FOCAD: variants seen among roughly 807,000 people sequenced by gnomAD.
FOCAD encodes the protein KIAA1797.
FOCAD carries 198 observed loss-of-function variants against 225.6 expected under a neutral mutation model. That is an observed-to-expected ratio of 0.88 (90% CI 0.78 to 0.99). FOCAD has a LOEUF of 0.99. Among genes scored for constraint, FOCAD ranks in the 50% least tolerant of loss-of-function variants. FOCAD has a pLI of 0.00. For synonymous variants in FOCAD, 897 were observed against 755.0 expected (o/e 1.19, Z -3.08); for missense variants, 2,713 against 2,123.6 (o/e 1.28, Z -5.46).
intron 11 of FOCAD, among the ~76,000 whole-genome samples, chr9:20,810,111 A>G (rs1822893477): frequency 6.6e-6 from 1 of 152,162 alleles, no homozygotes; most frequent in Non-Finnish European, 1.5e-5. Flanking sequence ...GAAAAGGTTC[A>G]TGAGGCAAAG....
intron 28 of FOCAD, among the ~76,000 whole-genome samples, chr9:20,937,282 G>A (rs1328538373): frequency 1.3e-5 from 2 of 150,148 alleles, no homozygotes; most frequent in Non-Finnish European, 3.0e-5. Flanking sequence ...TCAATCCTAA[G>A]CCAAAAGAAC....
chr9:20,756,837 T>C (rs915344376), intron 5 of FOCAD, among the ~76,000 whole-genome samples: 2 of 152,238 alleles, frequency 1.3e-5, no homozygotes, highest in African/African-American at 4.8e-5. Flanking sequence ...GCTGGAGATA[T>C]ATTAAAATTA....
At chr9:20,844,206 A>G (rs1243151720) in intron 15 of FOCAD, among the ~76,000 whole-genome samples, 1 of 152,110 alleles carries the variant, frequency 6.6e-6, no homozygotes, top group East Asian at 1.9e-4. Flanking sequence ...CATTTAGCCA[A>G]CTGACCATTT....
intron 1 of FOCAD, among the ~76,000 whole-genome samples, chr9:20,685,222 G>T (rs902510817): frequency 1.6e-4 from 19 of 115,594 alleles, no homozygotes; most frequent in Admixed American, 3.3e-4. Flanking sequence ...TTATTTTCAG[G>T]TTCTAGTATC....
At chr9:20,662,342 C>A (rs1361628185) in intron 2 of FOCAD, among the ~76,000 whole-genome samples, 2 of 152,276 alleles carry the variant, frequency 1.3e-5, no homozygotes, top group South Asian at 2.1e-4. Flanking sequence ...GCTGTCAGCT[C>A]CTTTAGGGTC....
At chr9:20,871,793 G>A (rs1259822861) in intron 18 of FOCAD, among the ~76,000 whole-genome samples, 1 of 148,966 alleles carries the variant, frequency 6.7e-6, no homozygotes, top group African/African-American at 2.5e-5. Context: ...AGCATTAGGA[G>A]ATATACCTAA....
chr9:20,841,564 C>A (rs184577368), intron 15 of FOCAD, among the ~76,000 whole-genome samples: 1 of 151,676 alleles, frequency 6.6e-6, no homozygotes, highest in Non-Finnish European at 1.5e-5. Context: ...TCATTGGTAG[C>A]CTCTACTGAT....
chr9:20,894,410 T>A (rs72703966), intron 21 of FOCAD, among the ~76,000 whole-genome samples: 3,544 of 152,198 alleles, frequency 0.023, 61 homozygotes, highest in South Asian at 0.032. Context: ...ACTTGCTGGA[T>A]TGTATGGTAA....
At chr9:20,981,078 CT>C (rs1840652796) in intron 37 of FOCAD, among the ~76,000 whole-genome samples, 2 of 152,080 alleles carry the variant, frequency 1.3e-5, no homozygotes, top group Non-Finnish European at 2.9e-5. Flanking sequence ...AGAATGTGAC[CT>C]TTTAAAACTG....
In FOCAD at chr9:20,823,121, C is replaced by T. The variant is rs1272540367; in HGVS notation, c.1920+6C>T. 4 of 1,603,166 alleles carry T rather than the reference C, an allele frequency of 2.5e-6. No homozygotes were observed. Among genetic ancestry groups the T allele is most frequent in the African/African-American group, 2.7e-5 (2 of 74,278 alleles). On this transcript the variant is annotated splice_donor_region_variant and intron_variant, in intron 15 of 43. Coordinates refer to ENST00000338382, the MANE Select transcript of FOCAD (RefSeq NM_001375567.1). ...ATGCACTCTGTCAAGCTGAGGTAGG[C>T]ATTTTTAAATTGCTTTGGATAATTT...
intron 21 of FOCAD, among the ~76,000 whole-genome samples, chr9:20,894,182 C>A (rs1487111119): frequency 6.6e-6 from 1 of 151,964 alleles, no homozygotes; most frequent in Admixed American, 6.6e-5. Flanking sequence ...CATTTGTTTT[C>A]TGCATGTATT....
chr9:20,825,533 A>T (rs1185690241), intron 15 of FOCAD, among the ~76,000 whole-genome samples: 2 of 152,124 alleles, frequency 1.3e-5, no homozygotes, highest in African/African-American at 2.4e-5. Flanking sequence ...AGACAGCCTA[A>T]TTTGGTAAAA....
intron 1 of FOCAD, among the ~76,000 whole-genome samples, chr9:20,711,973 A>G (rs904628738): frequency 3.3e-5 from 5 of 152,202 alleles, no homozygotes; most frequent in African/African-American, 1.2e-4. Context: ...GACTGATAGT[A>G]TAGATGGTTA....
intron 2 of FOCAD, among the ~76,000 whole-genome samples, chr9:20,673,368 C>T (rs1315838344): frequency 6.6e-6 from 1 of 152,116 alleles, no homozygotes; most frequent in East Asian, 1.9e-4. Flanking sequence ...TAACAGTGCA[C>T]CATTTTTACA....
chr9:20,960,787 A>G (rs1838638071), intron 35 of FOCAD, among the ~76,000 whole-genome samples: 1 of 127,712 alleles, frequency 7.8e-6, no homozygotes, highest in Non-Finnish European at 1.5e-5. Context: ...TCCTGTGTCC[A>G]ATGTGTCCAA....
chr9:20,797,404 G>A (rs1821239457), intron 11 of FOCAD, among the ~76,000 whole-genome samples: 2 of 152,102 alleles, frequency 1.3e-5, no homozygotes, highest in South Asian at 2.1e-4. Context: ...AAATTACCTT[G>A]GGCAGTATGG....
At chr9:20,732,028 G>C (rs1826758018) in intron 4 of FOCAD, among the ~76,000 whole-genome samples, 1 of 152,148 alleles carries the variant, frequency 6.6e-6, no homozygotes, top group Non-Finnish European at 1.5e-5. Flanking sequence ...TGCCGTGGTG[G>C]TTTGCTGCAG....
At chr9:20,918,680 C>T (rs373344083) in intron 24 of FOCAD, among the ~76,000 whole-genome samples, 4 of 150,944 alleles carry the variant, frequency 2.6e-5, no homozygotes, top group Non-Finnish European at 5.9e-5. Context: ...GCAGAGATCC[C>T]GCCACTGCAC....
chr9:20,986,266 A>ATTTTTTTTTTTTTTTCTTTTTTTT lies in FOCAD; in HGVS notation c.4729-7_4729-6insCTTTTTTTTTTTTTTTTTTTTTTT, dbSNP rs1841145828. The ATTTTTTTTTTTTTTTCTTTTTTTT allele has an allele frequency of 4.2e-6, 3 of 710,268 alleles. 1 individual carries two copies. Among genetic ancestry groups the ATTTTTTTTTTTTTTTCTTTTTTTT allele is most frequent in the Non-Finnish European group, 5.3e-6 (3 of 561,346 alleles). The allele number at this position is 710,268 out of a possible 1,614,324, so 44.0% of individuals were successfully genotyped here. On this transcript the variant is annotated intron_variant, in intron 39 of 43. Coordinates refer to ENST00000338382, the MANE Select transcript of FOCAD (RefSeq NM_001375567.1). ...CAGTTAATTTAATAGTAACTAAACA[A>ATTTTTTTTTTTTTTTCTTTTTTTT]TTTTTTTTTTTTTTTTTGCAGAGCA...
Sources: allele counts gnomAD v4.1 joint callset (sites outside exome capture counted in the v4.1 genomes callset), GRCh38; gene constraint gnomAD v4.1.1; transcripts MANE v1.5; gene names NCBI Gene and HGNC (gene_info 2026-07-23, HGNC 2026-07-21).